Variants in NKD1 observed in about 807,000 individuals in gnomAD.
The protein encoded by NKD1 is protein naked cuticle homolog 1.
In NKD1, 21 loss-of-function variants were observed where a neutral mutation model predicts 56.0. That is an observed-to-expected ratio of 0.38 (90% confidence interval 0.27 to 0.54). The LOEUF (loss-of-function observed/expected upper bound fraction) is 0.54, where lower values mean the gene tolerates loss of function less well. Ranked by LOEUF, NKD1 falls within the 20% of genes least tolerant of loss-of-function variation. The pLI is 0.82. For synonymous variants in NKD1, 263 were observed against 265.7 expected (o/e 0.99, Z 0.10); for missense variants, 578 against 642.7 (o/e 0.90, Z 1.09).
At chr16:50,593,769 GTT>G (rs1457411092) in intron 3 of NKD1, among the ~76,000 whole-genome samples, 1 of 152,108 alleles carries the variant, frequency 6.6e-6, no homozygotes, top group Non-Finnish European at 1.5e-5. Context: ...ATTTTTTTGT[GTT>G]TTAAGTCTAT....
At position 50,632,467 on chromosome 16, in the gene NKD1, A is replaced by G. The variant is rs1962368298; in HGVS notation, c.823+59A>G. On this transcript the variant is annotated intron_variant, in intron 9 of 9. Coordinates refer to ENST00000268459, the MANE Select transcript of NKD1 (RefSeq NM_033119.5). The surrounding 1 kb of genome is among the most constrained non-coding windows in gnomAD (Gnocchi z 4.1). ...AGGGCAGGGCGTGGCTGGACGGGCC[A>G]GGCGGGCCGTGCGGGTGGTGTTCAC... The G allele has an allele frequency of 1.9e-6, 3 of 1,592,362 alleles. No individual in the cohort carries two copies. Among genetic ancestry groups the G allele is most frequent in the Non-Finnish European group, 2.6e-6 (3 of 1,161,754 alleles).
intron 4 of NKD1, among the ~76,000 whole-genome samples, chr16:50,618,308 A>T (rs1419494152): frequency 6.6e-6 from 1 of 152,142 alleles, no homozygotes; most frequent in South Asian, 2.1e-4. Context: ...GCTAAACAGG[A>T]ATCAGAGGCA....
chr16:50,581,365 A>AT (rs900336987), intron 3 of NKD1, among the ~76,000 whole-genome samples: 3 of 152,168 alleles, frequency 2.0e-5, no homozygotes, highest in African/African-American at 7.2e-5. Flanking sequence ...ATTACTCAGG[A>AT]TTCCTTCAGT....
rs1337022371 is a variant in NKD1, at chr16:50,648,307, A to G, written c.*14526A>G. 6.6e-6 allele frequency: 1 copy of G among 152,348 alleles called. No homozygotes were observed. The highest frequency in any genetic ancestry group is 1.9e-4 in the East Asian group (1 of 5,182). The allele number at this position is 152,348 out of a possible 1,614,324, so 9.4% of individuals were successfully genotyped here. A position where few individuals can be genotyped will look rare whatever the true frequency, so the allele number is the denominator to read the frequency against. ...TTCCACTTCCTGCCGCTGTACTGTCACCTGTGGCCTGGATTTGCACTCTTG... is the reference window on the plus strand; with the variant it reads ...TTCCACTTCCTGCCGCTGTACTGTCGCCTGTGGCCTGGATTTGCACTCTTG... On this transcript the variant is annotated 3_prime_UTR_variant, in exon 10 of 10. Coordinates refer to ENST00000268459, the MANE Select transcript of NKD1 (RefSeq NM_033119.5).
intron 3 of NKD1, among the ~76,000 whole-genome samples, chr16:50,570,460 G>A (rs1170689126): frequency 6.6e-6 from 1 of 152,232 alleles, no homozygotes; most frequent in Admixed American, 6.5e-5. Context: ...TGGGAACTGA[G>A]ATACACTGTA....
At chr16:50,610,701 A>G (rs1011860219) in intron 4 of NKD1, among the ~76,000 whole-genome samples, 3 of 152,362 alleles carry the variant, frequency 2.0e-5, no homozygotes, top group African/African-American at 7.2e-5. Context: ...GAAGTCTTTT[A>G]GCCATCCCAG....
In NKD1 at chr16:50,645,175, C is replaced by G. The variant is rs779336234; in HGVS notation, c.*11394C>G. 1 of 152,268 alleles carries G rather than the reference C, an allele frequency of 6.6e-6. No homozygotes were observed. Among genetic ancestry groups the G allele is most frequent in the Non-Finnish European group, 1.5e-5 (1 of 68,074 alleles). 9.4% of individuals were successfully genotyped at this position (152,268 alleles called of 1,614,324 possible). On this transcript the variant is annotated 3_prime_UTR_variant, in exon 10 of 10. Transcript: ENST00000268459. ...CAGCACTCGATAAAACAGACATCAT[C>G]TCTACCTACCTTTGTGGAGCTTTAA...
chr16:50,579,535 G>C (rs113569948), intron 3 of NKD1, among the ~76,000 whole-genome samples: 67 of 64,222 alleles, frequency 1.0e-3, no homozygotes, highest in Admixed American at 2.0e-3. Flanking sequence ...CTCCTGCGGG[G>C]TACCCACTAC....
intron 6 of NKD1, among the ~76,000 whole-genome samples, chr16:50,627,435 C>G (rs1036748621): frequency 6.6e-6 from 1 of 152,200 alleles, no homozygotes; most frequent in Non-Finnish European, 1.5e-5. Flanking sequence ...TGGCCCAGCC[C>G]GGCCCTGGAG....
rs534478332 is a variant in NKD1 at position 50,577,847 on chromosome 16, G to T, written c.192+28292G>T. 2.6e-5 allele frequency among the ~76,000 whole-genome samples: 4 copies of T among 152,326 alleles called. No homozygotes were observed. The East Asian group carries it at 7.7e-4, about 29-fold the overall frequency. Reference sequence around the variant, plus strand: ...GTTGACCTTTATGTAGAGGCATTCAGGTGGGAGGCATTGTATGTAGGAGGT... The same window carrying T: ...GTTGACCTTTATGTAGAGGCATTCATGTGGGAGGCATTGTATGTAGGAGGT... On this transcript the variant is annotated intron_variant, in intron 3 of 9. Transcript: ENST00000268459.
intron 3 of NKD1, among the ~76,000 whole-genome samples, chr16:50,565,954 T>G (rs1241970727): frequency 6.6e-6 from 1 of 152,222 alleles, no homozygotes; most frequent in Non-Finnish European, 1.5e-5. Context: ...TGGTCGACTT[T>G]AGAGCAACAG....
At position 50,647,202 on chromosome 16, in the gene NKD1, G is replaced by A. The variant is rs1962697649; in HGVS notation, c.*13421G>A. The A allele has an allele frequency of 6.6e-6, 1 of 152,200 alleles. No homozygotes were observed. The highest frequency in any genetic ancestry group is 2.4e-5 in the African/African-American group (1 of 41,448). The allele number at this position is 152,200 out of a possible 1,614,324, so 9.4% of individuals were successfully genotyped here. The stretch of plus-strand genomic sequence containing the variant: ...GTCCATAGGTGATTCGTCTAAGCCA[G>A]ACATGGCAAAGTCCTCACCTTTGCC... On this transcript the variant is annotated 3_prime_UTR_variant, in exon 10 of 10. Transcript: ENST00000268459.
chr16:50,632,197 A>C lies in NKD1; in HGVS notation c.696-84A>C. ...GAAATGAATGAAGGGTCCAGAGTTCATTCTGGGGGCTTCCTAGTAGCCTAT... is the reference window on the plus strand; with the variant it reads ...GAAATGAATGAAGGGTCCAGAGTTCCTTCTGGGGGCTTCCTAGTAGCCTAT... On this transcript the variant is annotated intron_variant, in intron 8 of 9. Transcript: ENST00000268459. The surrounding 1 kb of genome is among the most constrained non-coding windows in gnomAD (Gnocchi z 4.1). 1 of 1,381,256 alleles carries C rather than the reference A, an allele frequency of 7.2e-7. No homozygotes were observed. Among genetic ancestry groups the C allele is most frequent in the Non-Finnish European group, 1.0e-6 (1 of 982,814 alleles). The allele number at this position is 1,381,256 out of a possible 1,614,324, so 85.6% of individuals were successfully genotyped here.
intron 6 of NKD1, 43 bp downstream of exon 6, chr16:50,625,623 A>G (rs931731199): frequency 4.2e-5 from 54 of 1,272,782 alleles, no homozygotes; most frequent in Non-Finnish European, 6.1e-5. Flanking sequence ...TCATACCCGC[A>G]GGCACAGGGC....
In NKD1 at chr16:50,616,636, C is replaced by T. The variant is rs556234465; in HGVS notation, c.260-4966C>T. ...AACCCGGGAGCAGAAGCCTAGAAGG[C>T]GCCAGATCTCAAGAAACTTGCTTTC... On this transcript the variant is annotated intron_variant, in intron 4 of 9. Transcript: ENST00000268459. Among the ~76,000 whole-genome samples, 13 of 152,242 alleles carry T rather than the reference C, an allele frequency of 8.5e-5. No individual in the cohort carries two copies. The South Asian group carries it at 1.7e-3, about 19-fold the overall frequency.
rs367994355 is a variant in NKD1 at position 50,635,653 on chromosome 16, C to T, written c.*1872C>T. On this transcript the variant is annotated 3_prime_UTR_variant, in exon 10 of 10. Coordinates refer to ENST00000268459, the MANE Select transcript of NKD1 (RefSeq NM_033119.5). The surrounding 1 kb of genome is among the most constrained non-coding windows in gnomAD (Gnocchi z 4.1). Reference sequence around the variant, plus strand: ...TAATACATTAATCCTTAGGACAGCCCCATGAGGCAGCTTGGTGGCAGCTCA... The same window carrying T: ...TAATACATTAATCCTTAGGACAGCCTCATGAGGCAGCTTGGTGGCAGCTCA... 216 of 152,258 alleles carry T rather than the reference C, an allele frequency of 1.4e-3. No individual in the cohort carries two copies. The highest frequency in any genetic ancestry group is 6.8e-3 in the Middle Eastern group (2 of 294). 9.4% of individuals were successfully genotyped at this position (152,258 alleles called of 1,614,324 possible).
rs1962395120 is a variant in NKD1 at position 50,633,493 on chromosome 16, C to G, written c.1125C>G (p.Ile375Met). 1 of 1,610,452 alleles carries G rather than the reference C, an allele frequency of 6.2e-7. No homozygotes were observed. Among genetic ancestry groups the G allele is most frequent in the East Asian group, 2.2e-5 (1 of 44,874 alleles). ...ACAAGCCCCCTCTGGGACCCGCCAT[C>G]CCTGCGGTGTCCCCCTCCGCCCACC... ...ARNKPPLGPA[I>M]PAVSPSAHLA... The change falls in exon 10 of 10, where the codon ATC (isoleucine) becomes ATG (methionine). Residue 375 changes from isoleucine (I) to methionine (M), a missense_variant. Coordinates refer to ENST00000268459, the MANE Select transcript of NKD1 (RefSeq NM_033119.5). This position sits in a 1 kb window ranked among gnomAD's most constrained non-coding sequence, Gnocchi z 4.9.
Position 50,644,095 on chromosome 16 carries a change from C to G in NKD1, c.*10314C>G, listed in dbSNP as rs8044583. ...CAGTTGAGAACATGTTGTCGGGCCA[C>G]TCAGACTTTTCACTGCTCTGCGCAT... On this transcript the variant is annotated 3_prime_UTR_variant, in exon 10 of 10. Coordinates refer to ENST00000268459, the MANE Select transcript of NKD1 (RefSeq NM_033119.5). The G allele has an allele frequency of 6.6e-6, 1 of 152,284 alleles. No homozygotes were observed. Among genetic ancestry groups the G allele is most frequent in the Non-Finnish European group, 1.5e-5 (1 of 68,050 alleles). 9.4% of individuals were successfully genotyped at this position (152,284 alleles called of 1,614,324 possible). A position where few individuals can be genotyped will look rare whatever the true frequency, so the allele number is the denominator to read the frequency against.
chr16:50,559,672 T>A (rs561073711), intron 3 of NKD1, among the ~76,000 whole-genome samples: 1 of 152,068 alleles, frequency 6.6e-6, no homozygotes, highest in Non-Finnish European at 1.5e-5. Flanking sequence ...CCATGAAGTG[T>A]TACTGGTGTC....
Sources: gnomAD v4.1 joint callset for allele counts (sites outside exome capture counted in the v4.1 genomes callset) on GRCh38, gnomAD v4.1.1 for gene constraint, Gnocchi (gnomAD v3.1) non-coding constraint, MANE v1.5 for transcripts, NCBI Gene and HGNC (gene_info 2026-07-23, HGNC 2026-07-21) for gene names.